Variants in GLB1 observed in about 807,000 individuals in gnomAD.
GLB1 encodes galactosidase beta 1.
GLB1 carries 56 observed loss-of-function variants against 74.0 expected under a neutral mutation model. That is an observed-to-expected ratio of 0.76 (90% CI 0.61 to 0.94). The LOEUF is 0.94. Among genes scored for constraint, GLB1 ranks in the 40% least tolerant of loss-of-function variants. The pLI is 0.00. For missense variants in GLB1, 787 were observed against 845.5 expected (o/e 0.93, Z 0.86); for synonymous variants, 323 against 323.6 (o/e 1.00, Z 0.02).
intron 1 of GLB1, among the ~76,000 whole-genome samples, chr3:33,083,991 T>C (rs982762658): frequency 2.6e-5 from 4 of 152,192 alleles, no homozygotes; most frequent in African/African-American, 9.7e-5. Flanking sequence ...CTCAGTGACA[T>C]CACAGATTAT....
At chr3:33,046,417 T>A (rs1262331821) in intron 9 of GLB1, among the ~76,000 whole-genome samples, 185 bp from the exon 10 acceptor site, 3 of 151,984 alleles carry the variant, frequency 2.0e-5, no homozygotes, top group Non-Finnish European at 4.4e-5. Flanking sequence ...TTTCTACAGG[T>A]AGCAGTTACC....
At chr3:33,069,343 C>T (rs1032980451) in intron 2 of GLB1, among the ~76,000 whole-genome samples, 8 of 151,990 alleles carry the variant, frequency 5.3e-5, no homozygotes, top group Middle Eastern at 6.3e-3. Context: ...TGTGATTGTG[C>T]CACTGCACTC....
intron 15 of GLB1, 93 bp downstream of exon 15, chr3:33,013,963 A>C: frequency 6.2e-7 from 1 of 1,602,500 alleles, no homozygotes; most frequent in Non-Finnish European, 8.5e-7. Context: ...CCATCACACG[A>C]TATCTCACTA....
At chr3:33,004,491 C>T (rs1457173393) in intron 15 of GLB1, among the ~76,000 whole-genome samples, 1 of 152,180 alleles carries the variant, frequency 6.6e-6, no homozygotes, top group Non-Finnish European at 1.5e-5. Flanking sequence ...AAGTGAGTGA[C>T]GTTTAAAAAC....
At chr3:33,002,329 C>CTCCCTCCCTCCG (rs1696606036) in intron 15 of GLB1, among the ~76,000 whole-genome samples, 1 of 99,772 alleles carries the variant, frequency 1.0e-5, no homozygotes, top group Admixed American at 1.3e-4. Context: ...AAAAGTCTCC[C>CTCCCTCCCTCCG]TCCCTCCCTC....
At chr3:33,033,778 C>CAAAAA (rs60962107) in intron 10 of GLB1, 7 of 181,122 alleles carry the variant, frequency 3.9e-5, no homozygotes, top group Admixed American at 7.6e-5. Context: ...GAGACTGTCT[C>CAAAAA]AAAAAAAAAA....
the GLB1 span, among the ~76,000 whole-genome samples, chr3:32,978,247 G>T: frequency 6.6e-6 from 1 of 152,204 alleles, no homozygotes; most frequent in African/African-American, 2.4e-5. Context: ...GGGGGCATTT[G>T]CCATAAACAA....
chr3:33,021,572 C>T lies in GLB1; in HGVS notation c.1227G>A (p.Val409=). 6.2e-7 allele frequency: 1 copy of T among 1,613,798 alleles called. No homozygotes were observed. ...ATTACCTTTGAAGGCCTACCTGTTT[C>T]ACCTGGATAAATGTCAAGGGATAAA... The part of the protein sequence containing the change: ...KSLYPLTFIQ[V]KQHYGFVLYR... Residue 409 remains valine (V), a synonymous_variant, in exon 12 of 16, where the codon GTG becomes GTA. Transcript: ENST00000307363.
At chr3:33,009,148 A>AATAAATAC (rs890417299) in intron 15 of GLB1, among the ~76,000 whole-genome samples, 2 of 151,042 alleles carry the variant, frequency 1.3e-5, no homozygotes, top group Non-Finnish European at 3.0e-5. Context: ...TAAATAAATA[A>AATAAATAC]ATAAATAAAA....
chr3:33,096,430 A>T, intron 1 of GLB1: 1 of 955,152 alleles, frequency 1.0e-6, no homozygotes, highest in Non-Finnish European at 1.2e-6. Context: ...CAAACGCCGA[A>T]GGAAAACGGT....
intron 1 of GLB1, among the ~76,000 whole-genome samples, chr3:33,083,273 C>T (rs1253279264): frequency 6.6e-6 from 1 of 151,928 alleles, no homozygotes; most frequent in Non-Finnish European, 1.5e-5. Context: ...TGGCACATGC[C>T]TGTAATCCCA....
At chr3:33,070,358 T>C (rs1358268746) in intron 2 of GLB1, among the ~76,000 whole-genome samples, 1 of 151,834 alleles carries the variant, frequency 6.6e-6, no homozygotes, top group Admixed American at 6.6e-5. Flanking sequence ...AAACTGTCTA[T>C]AGAGAAAGAT....
At chr3:33,095,443 G>A (rs932351081) in intron 1 of GLB1, among the ~76,000 whole-genome samples, 2 of 152,072 alleles carry the variant, frequency 1.3e-5, no homozygotes, top group Admixed American at 6.5e-5. Context: ...GGAGAATGGC[G>A]TGAACCCTAA....
the GLB1 span, among the ~76,000 whole-genome samples, chr3:32,964,768 G>A: frequency 6.6e-6 from 1 of 152,184 alleles, no homozygotes; most frequent in Non-Finnish European, 1.5e-5. Context: ...CATCACAGTT[G>A]ATATGATTTG....
the GLB1 span, among the ~76,000 whole-genome samples, chr3:32,983,522 A>G: frequency 2.0e-5 from 3 of 152,058 alleles, no homozygotes; most frequent in East Asian, 5.8e-4. Context: ...TGTTTTATTT[A>G]AGTATTGTAG....
chr3:33,097,093 A>T lies in GLB1; in HGVS notation c.-8T>A. ...AACCAGGAACCCCGGCATGACCACC[A>T]GCCTCCCGGCTCTGCAGTCGGCGCC... On this transcript the variant is annotated 5_prime_UTR_variant, in exon 1 of 16. Coordinates refer to ENST00000307363, the MANE Select transcript of GLB1 (RefSeq NM_000404.4). 1 of 1,612,218 alleles carries T rather than the reference A, an allele frequency of 6.2e-7. No homozygotes were observed. Among genetic ancestry groups the T allele is most frequent in the Non-Finnish European group, 8.5e-7 (1 of 1,178,932 alleles).
the GLB1 span, among the ~76,000 whole-genome samples, chr3:32,964,212 A>G: frequency 6.6e-6 from 1 of 152,220 alleles, no homozygotes; most frequent in African/African-American, 2.4e-5. Context: ...CCACCTCTCC[A>G]TGGTTACCTT....
chr3:33,096,759 A>G (rs377717944), intron 1 of GLB1: 1 of 1,315,816 alleles, frequency 7.6e-7, no homozygotes, highest in African/African-American at 1.6e-5. Context: ...AGTGGATCCA[A>G]GCGCAAAGGG....
At chr3:33,064,344 A>C (rs1699575890) in intron 5 of GLB1, among the ~76,000 whole-genome samples, 1 of 149,702 alleles carries the variant, frequency 6.7e-6, no homozygotes, top group South Asian at 2.1e-4. Flanking sequence ...GGAGGCTGAC[A>C]CAGGAGGGTC....
Sources: gnomAD v4.1 joint callset for allele counts (sites outside exome capture counted in the v4.1 genomes callset) on GRCh38, gnomAD v4.1.1 for gene constraint, MANE v1.5 for transcripts, NCBI Gene and HGNC (gene_info 2026-07-23, HGNC 2026-07-21) for gene names.